Variants in CLSTN2 observed in about 807,000 individuals in gnomAD.
CLSTN2 encodes the protein calsyntenin 2.
In CLSTN2, 48 loss-of-function variants were observed where a neutral mutation model predicts 101.2. That is an observed-to-expected ratio of 0.47 (90% confidence interval 0.38 to 0.60). The LOEUF (loss-of-function observed/expected upper bound fraction) is 0.60. Among genes scored for constraint, CLSTN2 ranks in the 20% least tolerant of loss-of-function variants. The pLI is 0.00. For missense variants in CLSTN2, 1,160 were observed against 1,238.2 expected (o/e 0.94, Z 0.95); for synonymous variants, 481 against 463.6 (o/e 1.04, Z -0.48).
chr3:139,998,706 A>G (rs2006748364), intron 1 of CLSTN2, among the ~76,000 whole-genome samples: 1 of 152,132 alleles, frequency 6.6e-6, no homozygotes, highest in Non-Finnish European at 1.5e-5. Context: ...AGCTCAATAA[A>G]GAGTGGTTAC....
intron 2 of CLSTN2, among the ~76,000 whole-genome samples, chr3:140,231,195 CT>C (rs1351535773): frequency 6.6e-6 from 1 of 151,992 alleles, no homozygotes; most frequent in Non-Finnish European, 1.5e-5. Flanking sequence ...TTTTAGGGGG[CT>C]CCCACTATCT....
chr3:140,371,711 C>T (rs2087859312), intron 2 of CLSTN2, among the ~76,000 whole-genome samples: 1 of 152,172 alleles, frequency 6.6e-6, no homozygotes, highest in South Asian at 2.1e-4. Context: ...AGCCAAGGAC[C>T]ACACAAGCAT....
At chr3:140,261,730 A>G (rs1048338083) in intron 2 of CLSTN2, among the ~76,000 whole-genome samples, 4 of 152,172 alleles carry the variant, frequency 2.6e-5, no homozygotes, top group Non-Finnish European at 5.9e-5. Context: ...ATCTGCGTCT[A>G]TAAGCTAAAC....
At chr3:140,503,309 A>G (rs1934617519) in intron 8 of CLSTN2, among the ~76,000 whole-genome samples, 1 of 152,236 alleles carries the variant, frequency 6.6e-6, no homozygotes, top group Admixed American at 6.5e-5. Flanking sequence ...AGGTAGTCCC[A>G]TGAGATTATA....
In CLSTN2 at chr3:140,466,627, T is replaced by A; in HGVS notation, c.1240T>A (p.Tyr414Asn). 2.5e-6 allele frequency: 4 copies of A among 1,614,166 alleles called. No homozygotes were observed. The highest frequency in any genetic ancestry group is 3.4e-6 in the Non-Finnish European group (4 of 1,179,986). The change falls in exon 8 of 17, where the codon TAT (tyrosine) becomes AAT (asparagine). Residue 414 changes from tyrosine to asparagine, a missense_variant. Coordinates refer to ENST00000458420, the MANE Select transcript of CLSTN2 (RefSeq NM_022131.3). ...SDKTEMNRHH[Y>N]ALYVHNCRLV... ...CTTTTCAGAAATGAACCGGCATCACTATGCCCTGTATGTGCACAACTGCCG... is the reference window on the plus strand; with the variant it reads ...CTTTTCAGAAATGAACCGGCATCACAATGCCCTGTATGTGCACAACTGCCG...
At chr3:140,146,394 G>T (rs1342988237) in intron 1 of CLSTN2, among the ~76,000 whole-genome samples, 1 of 152,230 alleles carries the variant, frequency 6.6e-6, no homozygotes, top group East Asian at 1.9e-4. Context: ...TTGGTTGGTT[G>T]CTGAAAAGCA....
At chr3:140,218,253 C>T (rs892120915) in intron 2 of CLSTN2, among the ~76,000 whole-genome samples, 2 of 152,188 alleles carry the variant, frequency 1.3e-5, no homozygotes, top group African/African-American at 4.8e-5. Context: ...CTCTCCCGAG[C>T]CACTGCATTT....
At chr3:140,495,394 T>G (rs1934444551) in intron 8 of CLSTN2, among the ~76,000 whole-genome samples, 1 of 152,246 alleles carries the variant, frequency 6.6e-6, no homozygotes, top group African/African-American at 2.4e-5. Context: ...TGCAAAAATG[T>G]TCTCCCATTC....
intron 9 of CLSTN2, among the ~76,000 whole-genome samples, chr3:140,545,137 G>T (rs1198736839): frequency 6.6e-6 from 1 of 152,144 alleles, no homozygotes; most frequent in African/African-American, 2.4e-5. Flanking sequence ...GGCTGAGGTA[G>T]AGCACCCCAG....
chr3:140,517,167 C>T (rs1171085629), intron 8 of CLSTN2, among the ~76,000 whole-genome samples: 1 of 152,130 alleles, frequency 6.6e-6, no homozygotes, highest in Non-Finnish European at 1.5e-5. Context: ...TGTCCCTCCT[C>T]TCCAAAAGTT....
At chr3:140,432,164 A>ACTCAGATTTCAGT (rs112621959) in intron 5 of CLSTN2, among the ~76,000 whole-genome samples, 1 of 101,134 alleles carries the variant, frequency 9.9e-6, no homozygotes, top group African/African-American at 2.8e-5. Flanking sequence ...CGGTCCAGGA[A>ACTCAGATTTCAGT]CTCAGATTTC....
intron 1 of CLSTN2, among the ~76,000 whole-genome samples, chr3:139,979,390 C>T (rs1007188234): frequency 7.2e-5 from 11 of 152,172 alleles, no homozygotes; most frequent in Admixed American, 6.5e-4. Flanking sequence ...CTCAAAATAA[C>T]TTTGGTCCAT....
chr3:140,225,174 T>C (rs1208896715), intron 2 of CLSTN2, among the ~76,000 whole-genome samples: 1 of 152,130 alleles, frequency 6.6e-6, no homozygotes, highest in African/African-American at 2.4e-5. Context: ...TCTCCACCCT[T>C]CCCCCACCTG....
At chr3:140,557,420 G>C (rs1326465158) in intron 11 of CLSTN2, among the ~76,000 whole-genome samples, 1 of 152,230 alleles carries the variant, frequency 6.6e-6, no homozygotes. Context: ...TAGAACAATG[G>C]AGGGGTGCTC....
At chr3:140,023,893 G>C (rs896847117) in intron 1 of CLSTN2, among the ~76,000 whole-genome samples, 9 of 152,204 alleles carry the variant, frequency 5.9e-5, no homozygotes, top group South Asian at 2.1e-4. Context: ...TCTGGCACCA[G>C]GCTACGGGGC....
intron 1 of CLSTN2, among the ~76,000 whole-genome samples, chr3:140,017,618 C>A (rs138703536): frequency 9.2e-5 from 14 of 152,310 alleles, no homozygotes; most frequent in Non-Finnish European, 1.6e-4. Flanking sequence ...AGGCTCAAGG[C>A]ACTGTGTGGG....
chr3:140,441,729 A>G (rs2088768354), intron 5 of CLSTN2, among the ~76,000 whole-genome samples: 1 of 152,212 alleles, frequency 6.6e-6, no homozygotes, highest in Non-Finnish European at 1.5e-5. Context: ...GGCGAATCTC[A>G]GAAGTCAGCT....
intron 1 of CLSTN2, among the ~76,000 whole-genome samples, chr3:140,069,496 G>C (rs2008356091): frequency 6.6e-6 from 1 of 152,190 alleles, no homozygotes; most frequent in African/African-American, 2.4e-5. Context: ...GCTGGTTGAT[G>C]CTAGTTGATT....
At chr3:140,160,537 G>C (rs563724559) in intron 1 of CLSTN2, among the ~76,000 whole-genome samples, 1 of 152,162 alleles carries the variant, frequency 6.6e-6, no homozygotes, top group South Asian at 2.1e-4. Flanking sequence ...GAATTCTATA[G>C]CATTTTTCTC....
Sources: gnomAD v4.1 joint callset for allele counts (sites outside exome capture counted in the v4.1 genomes callset) on GRCh38, gnomAD v4.1.1 for gene constraint, MANE v1.5 for transcripts, NCBI Gene and HGNC (gene_info 2026-07-23, HGNC 2026-07-21) for gene names.